The following TTC34 variants were observed in gnomAD, a reference collection of about 807,000 sequenced individuals.
The protein encoded by TTC34 is tetratricopeptide repeat domain 34.
Under a neutral mutation model 40.7 loss-of-function variants are expected in TTC34, and 44 were observed. The ratio of observed to expected loss-of-function variants is 1.08; its 90% CI spans 0.85 to 1.39. The LOEUF is 1.39. TTC34 is among the 40% of genes most tolerant of loss of function. The probability of loss-of-function intolerance (pLI) is 0.00; values close to 1 mark genes in which losing one functional copy is unlikely to be tolerated. For missense variants in TTC34, 884 were observed against 838.0 expected, an observed-to-expected ratio of 1.05 and a Z score of -0.68; for synonymous variants, 422 against 398.6, an observed-to-expected ratio of 1.06 and a Z score of -0.70.
rs1289731622 is a variant in TTC34, at chr1:2,796,639, C to T, written c.784+3405G>A. On this transcript the variant is annotated intron_variant, in intron 2 of 8. Transcript: ENST00000401095. This position sits in a 1 kb window ranked among gnomAD's most constrained non-coding sequence, Gnocchi z 4.5. Reference sequence around the variant, plus strand: ...ACCCTTAAGTCATGCCCTGCCCCTGCGTGATCATTAAAGTGGAAGGCCCCC... The same window carrying T: ...ACCCTTAAGTCATGCCCTGCCCCTGTGTGATCATTAAAGTGGAAGGCCCCC... 6.6e-6 allele frequency among the ~76,000 whole-genome samples: 1 copy of T among 152,062 alleles called. No homozygotes were observed. The highest frequency in any genetic ancestry group is 1.5e-5 in the Non-Finnish European group (1 of 68,016).
At chr1:2,779,558 C>A (rs1010318519) in intron 6 of TTC34, among the ~76,000 whole-genome samples, 1 of 152,064 alleles carries the variant, frequency 6.6e-6, no homozygotes, top group Admixed American at 6.6e-5. Context: ...CTCCTGACCT[C>A]GTGATCCACC....
At chr1:2,657,341 C>A (rs528184335) in intron 6 of TTC34, among the ~76,000 whole-genome samples, 107 of 106,208 alleles carry the variant, frequency 1.0e-3, no homozygotes, top group African/African-American at 3.0e-3. Context: ...GCACCCATAG[C>A]CCAAGGTGAG....
chr1:2,801,303 G>A (rs372230130), intron 1 of TTC34, among the ~76,000 whole-genome samples: 32 of 151,880 alleles, frequency 2.1e-4, no homozygotes, highest in South Asian at 1.3e-3. Flanking sequence ...TCAGTGGGAC[G>A]CAGGACCACA....
intron 6 of TTC34, among the ~76,000 whole-genome samples, chr1:2,652,119 CT>C (rs113219361): frequency 0.033 from 171 of 5,106 alleles, 56 homozygotes; most frequent in South Asian, 0.039. Flanking sequence ...GAACAGCACC[CT>C]GCACCCCCAG....
chr1:2,694,255 AGCAGCACCCCACACCCC>A (rs1640760506), intron 6 of TTC34, among the ~76,000 whole-genome samples: 1 of 53,514 alleles, frequency 1.9e-5, no homozygotes, highest in Non-Finnish European at 3.9e-5. Flanking sequence ...GACAGCCTGG[AGCAGCACCCCACACCCC>A]CAGGTGAGCA....
chr1:2,789,154 C>T (rs1643629472), intron 3 of TTC34, among the ~76,000 whole-genome samples: 2 of 152,108 alleles, frequency 1.3e-5, no homozygotes, highest in South Asian at 2.1e-4. Flanking sequence ...GGGCGCAGGT[C>T]GGGGCGGTGC....
exon 9 of TTC34, chr1:2,641,157 A>C: frequency 8.5e-6 from 2 of 235,578 alleles, no homozygotes; most frequent in Non-Finnish European, 6.9e-6. Context: ...GTGTGTGGGG[A>C]GGGTGGGAAG....
At chr1:2,755,525 C>G (rs1257649015) in intron 6 of TTC34, among the ~76,000 whole-genome samples, 3 of 98,216 alleles carry the variant, frequency 3.1e-5, no homozygotes, top group African/African-American at 1.7e-4. Flanking sequence ...ATCTGACAGC[C>G]TGGAACAGTA....
rs1015234249 is a variant in TTC34, at chr1:2,789,839, G to T, written c.1292C>A (p.Ser431Ter). The T allele has an allele frequency of 3.9e-5, 17 of 434,882 alleles. No homozygotes were observed. The highest frequency in any genetic ancestry group is 6.0e-5 in the Non-Finnish European group (15 of 248,198). The allele number at this position is 434,882 out of a possible 1,614,324, so 26.9% of individuals were successfully genotyped here. A position where few individuals can be genotyped will look rare whatever the true frequency, so the allele number is the denominator to read the frequency against. ...CTGGAAGTCCTCCATGGCGCGCCGC[G>T]AGTCCCCGGCGTGCAGCGCGCAGAA... Residue 431 changes from serine (S) to a stop codon, truncating the protein, a stop_gained, in exon 3 of 9, where the codon TCG becomes TAG. Transcript: ENST00000401095. LOFTEE classifies it high-confidence loss of function.
chr1:2,660,815 T>C (rs1187742834), intron 6 of TTC34, among the ~76,000 whole-genome samples: 9 of 91,756 alleles, frequency 9.8e-5, no homozygotes, highest in Non-Finnish European at 1.1e-4. Flanking sequence ...TCTGACAGCC[T>C]GGAACAGCAC....
At chr1:2,688,065 C>T (rs1323300021) in intron 6 of TTC34, among the ~76,000 whole-genome samples, 1 of 147,002 alleles carries the variant, frequency 6.8e-6, no homozygotes, top group Non-Finnish European at 1.5e-5. Flanking sequence ...AAGCATCTGA[C>T]AGCCTGGAAC....
rs1638995729 is a variant in TTC34, at chr1:2,645,230, A to C, written c.2497+63T>G. Reference sequence around the variant, plus strand: ...TCCATTTTTACAGAACAGGATACAGAGGTCAGAGGAGCGGGGACAGAAGCC... The same window carrying C: ...TCCATTTTTACAGAACAGGATACAGCGGTCAGAGGAGCGGGGACAGAAGCC... On this transcript the variant is annotated intron_variant, in intron 7 of 8. Transcript: ENST00000401095. This position sits in a 1 kb window ranked among gnomAD's most constrained non-coding sequence, Gnocchi z 4.7. 7.0e-7 allele frequency: 1 copy of C among 1,419,346 alleles called. No homozygotes were observed. Among genetic ancestry groups the C allele is most frequent in the Non-Finnish European group, 9.2e-7 (1 of 1,087,574 alleles). The allele number at this position is 1,419,346 out of a possible 1,614,324, so 87.9% of individuals were successfully genotyped here.
intron 6 of TTC34, among the ~76,000 whole-genome samples, chr1:2,648,775 G>C (rs781476175): frequency 1.4e-5 from 2 of 146,724 alleles, no homozygotes; most frequent in African/African-American, 2.5e-5. Flanking sequence ...GTGAACATCT[G>C]ACAGCCTGGA....
chr1:2,787,058 G>T (rs769567307), intron 4 of TTC34, among the ~76,000 whole-genome samples: 21 of 152,190 alleles, frequency 1.4e-4, no homozygotes, highest in Admixed American at 1.4e-3. Context: ...TGGGAGCAGG[G>T]GGTCTTGGAG....
intron 6 of TTC34, among the ~76,000 whole-genome samples, chr1:2,760,690 T>G (rs1455638677): frequency 0.068 from 201 of 2,974 alleles, no homozygotes; most frequent in Middle Eastern, 0.12. Context: ...CACACCCCCA[T>G]TTGAGCATCC....
intron 6 of TTC34, among the ~76,000 whole-genome samples, chr1:2,699,019 GAGCATCTGATGGTCTGGAGAAGCA>G (rs1641002306): frequency 2.8e-5 from 4 of 141,424 alleles, no homozygotes; most frequent in Non-Finnish European, 4.7e-5. Flanking sequence ...ACCACCAGGT[GAGCATCTGATGGTCTGGAGAAGCA>G]CCCACAACCA....
chr1:2,764,232 G>A (rs1641725107), intron 6 of TTC34, among the ~76,000 whole-genome samples: 1 of 150,136 alleles, frequency 6.7e-6, no homozygotes, highest in South Asian at 2.1e-4. Flanking sequence ...ACCCAGGCGA[G>A]CATCTGACAG....
chr1:2,686,716 C>G (rs1640369179), intron 6 of TTC34, among the ~76,000 whole-genome samples: 2 of 145,374 alleles, frequency 1.4e-5, no homozygotes, highest in Admixed American at 6.8e-5. Context: ...TGGAACAGCA[C>G]ACACACCCCC....
intron 6 of TTC34, among the ~76,000 whole-genome samples, chr1:2,760,080 AC>A (rs1641646355): frequency 1.1e-5 from 1 of 88,596 alleles, no homozygotes; most frequent in Non-Finnish European, 2.1e-5. Context: ...CAGTGCCCAC[AC>A]CCCCAGGTTA....
Sources: gnomAD v4.1 joint callset for allele counts (sites outside exome capture counted in the v4.1 genomes callset) on GRCh38, gnomAD v4.1.1 for gene constraint, Gnocchi (gnomAD v3.1) non-coding constraint, MANE v1.5 for transcripts, NCBI Gene and HGNC (gene_info 2026-07-23, HGNC 2026-07-21) for gene names.